The following COL6A5 variants were observed in gnomAD, a reference collection of about 807,000 sequenced individuals.
COL6A5 encodes the protein collagen type VI alpha 5 chain.
In COL6A5, 48 loss-of-function variants were observed where a neutral mutation model predicts 65.6. That is an observed-to-expected ratio of 0.73 (90% CI 0.58 to 0.93). The LOEUF (loss-of-function observed/expected upper bound fraction) is 0.93, where lower values mean the gene tolerates loss of function less well. Among genes scored for constraint, COL6A5 ranks in the 40% least tolerant of loss-of-function variants. The pLI is 0.00. For missense variants in COL6A5, 914 were observed against 928.3 expected (o/e 0.98, Z 0.20); for synonymous variants, 291 against 322.8 (o/e 0.90, Z 1.05).
At chr3:130,484,505 C>G (rs1052591728) in exon 8 of COL6A5, 6 of 401,066 alleles carry the variant, frequency 1.5e-5, no homozygotes, top group Admixed American at 4.4e-5. Context: ...CCCATGTCAT[C>G]GGTTCTGGGG....
intron 1 of COL6A5, among the ~76,000 whole-genome samples, chr3:130,370,295 A>C (rs2107631595): frequency 6.6e-6 from 1 of 152,270 alleles, no homozygotes; most frequent in South Asian, 2.1e-4. Context: ...GAAATTTAGC[A>C]CTGCCTGCTG....
intron 3 of COL6A5, among the ~76,000 whole-genome samples, chr3:130,443,243 T>A (rs2107705482): frequency 6.6e-6 from 1 of 152,228 alleles, no homozygotes; most frequent in East Asian, 1.9e-4. Flanking sequence ...AGATGAACAA[T>A]TTGAGGAGGT....
At chr3:130,373,646 T>C in exon 2 of COL6A5, 1 of 1,533,622 alleles carries the variant, frequency 6.5e-7, no homozygotes, top group Non-Finnish European at 8.8e-7. Flanking sequence ...AAAATGAAGA[T>C]CTTGCTAATT....
chr3:130,411,579 C>T (rs1937175863), intron 20 of COL6A5, among the ~76,000 whole-genome samples: 1 of 152,148 alleles, frequency 6.6e-6, no homozygotes, highest in African/African-American at 2.4e-5. Flanking sequence ...GGACTTTGCC[C>T]TCTTCTTCAC....
intron 1 of COL6A5, among the ~76,000 whole-genome samples, chr3:130,356,217 T>C (rs1015994901): frequency 6.6e-5 from 10 of 152,142 alleles, no homozygotes; most frequent in African/African-American, 2.4e-4. Context: ...ATGTTCCACA[T>C]TGAAGAGATA....
intron 3 of COL6A5, 33 bp from the exon 4 acceptor site, chr3:130,379,385 A>G (rs1935906346): frequency 6.5e-7 from 1 of 1,531,940 alleles, no homozygotes; most frequent in Non-Finnish European, 8.8e-7. Context: ...CCAGTGGTTT[A>G]TACTAATCCT....
exon 6 of COL6A5, chr3:130,388,829 G>A (rs994046793): frequency 1.3e-6 from 2 of 1,551,324 alleles, no homozygotes; most frequent in Non-Finnish European, 1.7e-6. Context: ...ATCAATGAAG[G>A]CACTTTAACT....
chr3:130,398,076 T>A, exon 10 of COL6A5: 13 of 1,551,204 alleles, frequency 8.4e-6, no homozygotes, highest in Non-Finnish European at 1.0e-5. Context: ...AGCAACATAA[T>A]GCTTGAAAAT....
At chr3:130,466,789 A>G (rs1441265994) in intron 5 of COL6A5, among the ~76,000 whole-genome samples, 1 of 152,018 alleles carries the variant, frequency 6.6e-6, no homozygotes, top group African/African-American at 2.4e-5. Flanking sequence ...ATGTATTCCA[A>G]GGATATTAAA....
chr3:130,360,638 G>C (rs1935074903), intron 1 of COL6A5, among the ~76,000 whole-genome samples: 1 of 152,044 alleles, frequency 6.6e-6, no homozygotes. Context: ...TTGCTCATTG[G>C]GGATAATAAA....
At chr3:130,361,702 A>G (rs78002032) in intron 1 of COL6A5, among the ~76,000 whole-genome samples, 2 of 152,216 alleles carry the variant, frequency 1.3e-5, no homozygotes, top group East Asian at 1.9e-4. Context: ...TCAGCAGTAA[A>G]TGAGAGTTCC....
At chr3:130,442,386 A>G (rs1052520580) in intron 3 of COL6A5, among the ~76,000 whole-genome samples, 3 of 152,056 alleles carry the variant, frequency 2.0e-5, no homozygotes, top group South Asian at 2.1e-4. Context: ...TTTCTATGCA[A>G]TTTTGTTCTT....
chr3:130,435,180 C>T (rs1937988694), intron 1 of COL6A5, among the ~76,000 whole-genome samples: 1 of 152,164 alleles, frequency 6.6e-6, no homozygotes, highest in Non-Finnish European at 1.5e-5. Flanking sequence ...TTCCCAGCAC[C>T]ATTTACTGAA....
chr3:130,423,839 T>A, exon 29 of COL6A5: 2 of 1,548,926 alleles, frequency 1.3e-6, no homozygotes, highest in Non-Finnish European at 8.7e-7. Context: ...TATCTGCAGC[T>A]CACTGTAGGC....
intron 5 of COL6A5, among the ~76,000 whole-genome samples, chr3:130,466,674 A>G (rs564474926): frequency 1.2e-4 from 18 of 151,972 alleles, no homozygotes; most frequent in Non-Finnish European, 2.1e-4. Context: ...AATAAACCCA[A>G]AAGTTGTTTC....
chr3:130,417,493 A>T (rs1937378332), intron 24 of COL6A5, among the ~76,000 whole-genome samples: 2 of 152,088 alleles, frequency 1.3e-5, no homozygotes, highest in South Asian at 4.1e-4. Flanking sequence ...GATCTCACCC[A>T]TCAGAAACAA....
intron 1 of COL6A5, 91 bp downstream of exon 33, chr3:130,432,040 A>T: frequency 7.5e-7 from 1 of 1,332,254 alleles, no homozygotes; most frequent in Non-Finnish European, 1.0e-6. Context: ...GTCAAGAAAT[A>T]TATGTGGCCT....
At chr3:130,418,528 C>T (rs1244227198) in intron 24 of COL6A5, among the ~76,000 whole-genome samples, 1 of 152,094 alleles carries the variant, frequency 6.6e-6, no homozygotes, top group African/African-American at 2.4e-5. Flanking sequence ...ACAGGACCTC[C>T]CCTAATGTGT....
At chr3:130,389,056 C>T (rs1936302136) in exon 6 of COL6A5, 2 of 1,490,804 alleles carry the variant, frequency 1.3e-6, no homozygotes, top group East Asian at 5.0e-5. Flanking sequence ...GGATAGCAGC[C>T]TAGTTTTTCA....
Sources: allele counts gnomAD v4.1 joint callset (sites outside exome capture counted in the v4.1 genomes callset), GRCh38; gene constraint gnomAD v4.1.1; transcripts MANE v1.5; gene names NCBI Gene and HGNC (gene_info 2026-07-23, HGNC 2026-07-21).